Variants in KALRN observed in about 807,000 individuals in gnomAD.
KALRN encodes kalirin RhoGEF kinase, also known as kalirin.
Under a neutral mutation model 353.7 loss-of-function variants are expected in KALRN, and 70 were observed. That is an observed-to-expected ratio of 0.20 (90% confidence interval 0.16 to 0.24). KALRN has a LOEUF of 0.24. KALRN is among the 10% of genes least tolerant of loss of function. The probability of loss-of-function intolerance (pLI) is 1.00; values close to 1 mark genes in which losing one functional copy is unlikely to be tolerated. For missense variants in KALRN, 2,791 were observed against 3,756.7 expected (o/e 0.74, Z 6.72); for synonymous variants, 1,391 against 1,434.8 (o/e 0.97, Z 0.69).
chr3:124,496,482 C>A, intron 33 of KALRN, 69 bp downstream of exon 33: 1 of 1,152,924 alleles, frequency 8.7e-7, no homozygotes, highest in Non-Finnish European at 1.3e-6. Context: ...GGAGAGGTAC[C>A]CCTAGAGAAT....
At chr3:124,139,848 G>A (rs1401051160) in intron 1 of KALRN, among the ~76,000 whole-genome samples, 1 of 152,110 alleles carries the variant, frequency 6.6e-6, no homozygotes, top group East Asian at 1.9e-4. Flanking sequence ...TCATCTGAAA[G>A]GGCTTCCTGG....
chr3:124,343,815 T>G (rs1452949367), intron 9 of KALRN, among the ~76,000 whole-genome samples: 3 of 152,354 alleles, frequency 2.0e-5, no homozygotes, highest in East Asian at 1.9e-4. Flanking sequence ...GTTACCCCTA[T>G]AGACTGAGTT....
At chr3:124,669,841 C>T (rs953040590) in intron 47 of KALRN, among the ~76,000 whole-genome samples, 7 of 151,156 alleles carry the variant, frequency 4.6e-5, no homozygotes, top group Admixed American at 6.6e-5. Flanking sequence ...TTATAATACC[C>T]GATATAATGT....
intron 33 of KALRN, among the ~76,000 whole-genome samples, chr3:124,542,768 C>G (rs1477177079): frequency 1.3e-5 from 2 of 152,216 alleles, no homozygotes; most frequent in Non-Finnish European, 2.9e-5. Flanking sequence ...CTCAATGTCA[C>G]TGATAGTACC....
At chr3:124,217,592 C>G (rs1159441020) in intron 1 of KALRN, among the ~76,000 whole-genome samples, 1 of 152,178 alleles carries the variant, frequency 6.6e-6, no homozygotes, top group East Asian at 1.9e-4. Flanking sequence ...AATGCTTCTT[C>G]ACATTTCTTT....
At chr3:124,250,917 G>A (rs115861822) in intron 3 of KALRN, among the ~76,000 whole-genome samples, 1,739 of 152,310 alleles carry the variant, frequency 0.011, 33 homozygotes, top group African/African-American at 0.04. Context: ...TGAAATGGAT[G>A]TCAGTTTCCA....
intron 13 of KALRN, chr3:124,410,276 A>G (rs1315712360): frequency 1.9e-6 from 1 of 532,958 alleles, no homozygotes; most frequent in Non-Finnish European, 3.8e-6. Flanking sequence ...TGCAGCAAAT[A>G]GATACCTCAG....
chr3:124,213,118 A>C (rs1249747383), intron 1 of KALRN, among the ~76,000 whole-genome samples: 4 of 152,084 alleles, frequency 2.6e-5, no homozygotes, highest in South Asian at 4.1e-4. Context: ...GCTCTTTCTT[A>C]TTCAGGGATC....
chr3:124,087,820 A>G (rs983812456), intron 1 of KALRN, among the ~76,000 whole-genome samples: 87 of 152,310 alleles, frequency 5.7e-4, no homozygotes, highest in African/African-American at 2.0e-3. Flanking sequence ...CAAAGCAGCT[A>G]GATGCCAAGA....
At chr3:124,484,676 G>A (rs894296022) in intron 28 of KALRN, among the ~76,000 whole-genome samples, 2 of 152,216 alleles carry the variant, frequency 1.3e-5, no homozygotes, top group Admixed American at 1.3e-4. Flanking sequence ...CAGCTGCATA[G>A]GCCATTCTTT....
chr3:124,332,101 C>T (rs2080628902), intron 8 of KALRN, among the ~76,000 whole-genome samples: 1 of 152,160 alleles, frequency 6.6e-6, no homozygotes, highest in Non-Finnish European at 1.5e-5. Context: ...TCCCCCACCC[C>T]ACTCCCCTGG....
At chr3:124,220,501 CT>C (rs2077777683) in intron 1 of KALRN, among the ~76,000 whole-genome samples, 1 of 151,906 alleles carries the variant, frequency 6.6e-6, no homozygotes, top group Non-Finnish European at 1.5e-5. Flanking sequence ...CTCTTTTTCT[CT>C]TGTGTTAACA....
At chr3:124,563,194 T>A in intron 34 of KALRN, 105 bp downstream of exon 34, 2 of 1,208,580 alleles carry the variant, frequency 1.7e-6, no homozygotes, top group South Asian at 2.7e-5. Context: ...ACAGACCCAT[T>A]TTTACCCTGT....
rs747711398 is a variant in KALRN, at chr3:124,719,522, A to G, written c.*52A>G. 2.7e-6 allele frequency: 4 copies of G among 1,493,310 alleles called. No homozygotes were observed. The highest frequency in any genetic ancestry group is 2.8e-6 in the Non-Finnish European group (3 of 1,090,024). 92.5% of individuals were successfully genotyped at this position (1,493,310 alleles called of 1,614,324 possible). A position where few individuals can be genotyped will look rare whatever the true frequency, so the allele number is the denominator to read the frequency against. On this transcript the variant is annotated 3_prime_UTR_variant, in exon 60 of 60. Transcript: ENST00000682506. This position sits in a 1 kb window ranked among gnomAD's most constrained non-coding sequence, Gnocchi z 5.3. ...ATAGACGTGCAGTGTGAACCAAAGCAAGACTGAATGTGACTGTAAATAATT... is the reference window on the plus strand; with the variant it reads ...ATAGACGTGCAGTGTGAACCAAAGCGAGACTGAATGTGACTGTAAATAATT...
chr3:124,589,775 G>A (rs58364271), intron 34 of KALRN, among the ~76,000 whole-genome samples: 3 of 152,184 alleles, frequency 2.0e-5, no homozygotes, highest in East Asian at 1.9e-4. Context: ...GAACCCCTGC[G>A]GGTACCAAAC....
chr3:124,343,170 C>T (rs370141807), intron 9 of KALRN, among the ~76,000 whole-genome samples: 27 of 152,314 alleles, frequency 1.8e-4, no homozygotes, highest in African/African-American at 6.3e-4. Flanking sequence ...AATATATATA[C>T]ACATATATTT....
At chr3:124,504,211 T>G (rs1295889303) in intron 33 of KALRN, among the ~76,000 whole-genome samples, 2 of 152,118 alleles carry the variant, frequency 1.3e-5, no homozygotes, top group African/African-American at 4.8e-5. Flanking sequence ...AGACTAGATC[T>G]GATTCAATGT....
At chr3:124,394,598 T>G (rs1050689904) in intron 11 of KALRN, among the ~76,000 whole-genome samples, 5 of 152,234 alleles carry the variant, frequency 3.3e-5, no homozygotes, top group African/African-American at 1.2e-4. Flanking sequence ...ATCTTTAGCA[T>G]TCAGCTTTCT....
intron 34 of KALRN, among the ~76,000 whole-genome samples, chr3:124,588,171 G>A (rs1159532520): frequency 2.0e-5 from 3 of 152,124 alleles, no homozygotes; most frequent in Admixed American, 1.3e-4. Flanking sequence ...CCTTTTTGAA[G>A]GTGAAAAACA....
Sources: gnomAD v4.1 joint callset for allele counts (sites outside exome capture counted in the v4.1 genomes callset) on GRCh38, gnomAD v4.1.1 for gene constraint, Gnocchi (gnomAD v3.1) non-coding constraint, MANE v1.5 for transcripts, NCBI Gene and HGNC (gene_info 2026-07-23, HGNC 2026-07-21) for gene names.